ABCC11: variants seen among roughly 807,000 people sequenced by gnomAD.
ABCC11 encodes the protein ATP binding cassette subfamily C member 11, also known as ATP-binding cassette sub-family C member 11.
In ABCC11, 135 loss-of-function variants were observed where a neutral mutation model predicts 149.3. The observed-to-expected ratio is 0.90, with a 90% CI of 0.79 to 1.04. The LOEUF is 1.04. Ranked by LOEUF, ABCC11 falls within the 50% of genes least tolerant of loss-of-function variation. ABCC11 has a pLI of 0.00. For synonymous variants in ABCC11, 665 were observed against 671.4 expected, an observed-to-expected ratio of 0.99 and a Z score of 0.15; for missense variants, 1,680 against 1,722.1, an observed-to-expected ratio of 0.98 and a Z score of 0.43.
Position 48,176,926 on chromosome 16 carries a change from G to A in ABCC11, c.3536C>T (p.Ser1179Phe). Residue 1179 changes from serine (S) to phenylalanine (F), a missense_variant and splice_region_variant, in exon 25 of 30, where the codon TCT (serine) becomes TTT (phenylalanine). Coordinates refer to ENST00000356608, the MANE Select transcript of ABCC11 (RefSeq NM_001370497.1). ...EVVGIVGRTG[S>F]GKSSLGMALF... is the part of the protein sequence containing the mutation. ...CTCGCCCAGGAAGCTCAGCTCACCAGAGCCCGTCCTTCCCACGATGCCCAC... is the reference window on the plus strand; with the variant it reads ...CTCGCCCAGGAAGCTCAGCTCACCAAAGCCCGTCCTTCCCACGATGCCCAC... 2 of 1,613,324 alleles carry A rather than the reference G, an allele frequency of 1.2e-6. No homozygotes were observed. Among genetic ancestry groups the A allele is most frequent in the Non-Finnish European group, 1.7e-6 (2 of 1,179,884 alleles).
intron 6 of ABCC11, among the ~76,000 whole-genome samples, chr16:48,219,334 T>C (rs1371288403): frequency 6.6e-6 from 1 of 152,158 alleles, no homozygotes; most frequent in Admixed American, 6.5e-5. Flanking sequence ...CACGCCCAGC[T>C]AACTTTTTGC....
intron 1 of ABCC11, 81 bp downstream of exon 1, chr16:48,247,233 A>AC (rs1384681923): frequency 3.1e-4 from 1 of 3,272 alleles, no homozygotes; most frequent in Non-Finnish European, 7.3e-4. Flanking sequence ...AAAAAAAAAA[A>AC]AAAGGCTTTA....
chr16:48,214,884 T>C lies in ABCC11; in HGVS notation c.1245A>G (p.Ser415=). Residue 415 remains serine, a synonymous_variant, in exon 9 of 30, where the codon TCA becomes TCG. Transcript: ENST00000356608. ...HTSLKLKLTA[S]MAFSMLASLN... ...ACAAAGCCCCCCAAACCCTTACCAT[T>C]GACGCTGTGAGTTTCAGCTTTAAGG... 6.2e-7 allele frequency: 1 copy of C among 1,614,146 alleles called. No homozygotes were observed. Among genetic ancestry groups the C allele is most frequent in the Non-Finnish European group, 8.5e-7 (1 of 1,180,020 alleles).
chr16:48,204,733 C>T (rs1468124806), intron 13 of ABCC11, among the ~76,000 whole-genome samples: 1 of 152,190 alleles, frequency 6.6e-6, no homozygotes, highest in Admixed American at 6.5e-5. Flanking sequence ...ACCAAGCAAA[C>T]AGTCACAGGT....
intron 20 of ABCC11, among the ~76,000 whole-genome samples, chr16:48,189,699 C>T (rs558714546): frequency 1.8e-4 from 27 of 152,300 alleles, no homozygotes; most frequent in African/African-American, 6.5e-4. Flanking sequence ...CAGAGACCAC[C>T]TTGAGGGCCG....
intron 11 of ABCC11, 71 bp downstream of exon 11, chr16:48,210,877 T>A: frequency 6.4e-7 from 1 of 1,555,426 alleles, no homozygotes; most frequent in Non-Finnish European, 8.7e-7. Flanking sequence ...GTGGGGCACC[T>A]GGCCAAGCTC....
At chr16:48,232,142 A>G in intron 1 of ABCC11, 1 of 1,267,668 alleles carries the variant, frequency 7.9e-7, no homozygotes, top group East Asian at 3.0e-5. Context: ...TCAGGCCCAA[A>G]TCACTTAGTG....
chr16:48,178,565 C>T (rs1446623871), intron 24 of ABCC11, 32 bp downstream of exon 24: 2 of 1,606,910 alleles, frequency 1.2e-6, no homozygotes, highest in East Asian at 2.2e-5. Flanking sequence ...ACTTGCATGG[C>T]TCCCCACACC....
chr16:48,191,677 G>A (rs570642373), intron 20 of ABCC11, among the ~76,000 whole-genome samples: 1 of 152,186 alleles, frequency 6.6e-6, no homozygotes, highest in Non-Finnish European at 1.5e-5. Context: ...ACAGCAGCAT[G>A]ATTTATAATC....
chr16:48,176,826 T>C (rs769581099), intron 25 of ABCC11, 98 bp downstream of exon 25: 109 of 1,367,356 alleles, frequency 8.0e-5, no homozygotes, highest in Non-Finnish European at 1.1e-4. Context: ...CTAATACATA[T>C]TTGGGGGATG....
intron 1 of ABCC11, among the ~76,000 whole-genome samples, chr16:48,234,522 G>A (rs1001442031): frequency 1.3e-4 from 20 of 152,110 alleles, no homozygotes; most frequent in Non-Finnish European, 2.4e-4. Flanking sequence ...CTAAATCCTC[G>A]TCTTGCCGGG....
rs751651114 is a variant in ABCC11 at position 48,192,730 on chromosome 16, A to G, written c.2509-13T>C. 6.2e-7 allele frequency: 1 copy of G among 1,613,880 alleles called. No homozygotes were observed. Among genetic ancestry groups the G allele is most frequent in the Non-Finnish European group, 8.5e-7 (1 of 1,179,782 alleles). ...GGCTGCTATTGGTCTTCAAGAAAGA[A>G]CAGGGGGTCTGACTGCAGGTGTCCG... On this transcript the variant is annotated splice_polypyrimidine_tract_variant and intron_variant, in intron 19 of 29. Transcript: ENST00000356608.
intron 2 of ABCC11, among the ~76,000 whole-genome samples, chr16:48,231,392 G>A (rs923215090): frequency 1.3e-5 from 2 of 152,068 alleles, no homozygotes; most frequent in Admixed American, 6.6e-5. Flanking sequence ...GTAGCTGGGT[G>A]GGGTGGCTCA....
chr16:48,227,295 G>A (rs1970134688), intron 4 of ABCC11, among the ~76,000 whole-genome samples: 1 of 152,026 alleles, frequency 6.6e-6, no homozygotes, highest in African/African-American at 2.4e-5. Context: ...CCAACATAGT[G>A]AAACCCCATC....
intron 1 of ABCC11, among the ~76,000 whole-genome samples, chr16:48,233,845 C>A (rs1342469874): frequency 6.6e-6 from 1 of 152,204 alleles, no homozygotes; most frequent in Admixed American, 6.5e-5. Context: ...TGACATTTTG[C>A]TCTATGTTAA....
intron 14 of ABCC11, among the ~76,000 whole-genome samples, chr16:48,201,710 A>C (rs1338827368): frequency 6.6e-6 from 1 of 152,166 alleles, no homozygotes; most frequent in Non-Finnish European, 1.5e-5. Flanking sequence ...CCCACTCAAC[A>C]GACCAGAGCT....
At position 48,175,344 on chromosome 16, in the gene ABCC11, C is replaced by G; in HGVS notation, c.3612G>C (p.Val1204=). The G allele has an allele frequency of 6.2e-7, 1 of 1,614,172 alleles. No homozygotes were observed. The highest frequency in any genetic ancestry group is 8.5e-7 in the Non-Finnish European group (1 of 1,180,000). Residue 1204 remains valine (V), a synonymous_variant, in exon 26 of 30, where the codon GTG becomes GTC. Coordinates refer to ENST00000356608, the MANE Select transcript of ABCC11 (RefSeq NM_001370497.1). ...PMAGRILIDG[V]DICSIGLEDL... ...CCTCCAGGCCGATGCTGCAAATGTC[C>G]ACGCCGTCAATGAGAATCCGGCCTG...
At position 48,211,317 on chromosome 16, in the gene ABCC11, G is replaced by A. The variant is rs1018996477; in HGVS notation, c.1357-118C>T. On this transcript the variant is annotated intron_variant, in intron 10 of 29. Coordinates refer to ENST00000356608, the MANE Select transcript of ABCC11 (RefSeq NM_001370497.1). ...TGGTTTTGTGAATTTCTAATAAGCA[G>A]TAAAAGTTTGCAGAAGTACCACCAG... The A allele has an allele frequency of 2.2e-5, 29 of 1,306,592 alleles. No homozygotes were observed. The Admixed American group carries it at 4.2e-4, about 19-fold the overall frequency. 80.9% of individuals were successfully genotyped at this position (1,306,592 alleles called of 1,614,324 possible).
At chr16:48,177,796 C>T (rs1385562609) in intron 24 of ABCC11, among the ~76,000 whole-genome samples, 5 of 152,226 alleles carry the variant, frequency 3.3e-5, no homozygotes, top group Non-Finnish European at 7.3e-5. Flanking sequence ...CAGAGCCCTA[C>T]AATTCATAAA....
Sources: gnomAD v4.1 joint callset for allele counts (sites outside exome capture counted in the v4.1 genomes callset) on GRCh38, gnomAD v4.1.1 for gene constraint, MANE v1.5 for transcripts, NCBI Gene and HGNC (gene_info 2026-07-23, HGNC 2026-07-21) for gene names.